The following SNTG1 variants were observed in gnomAD, a reference collection of about 807,000 sequenced individuals.
SNTG1 encodes the protein syntrophin gamma 1.
In SNTG1, 39 loss-of-function variants were observed where a neutral mutation model predicts 74.7. That is an observed-to-expected ratio of 0.52 (90% confidence interval 0.40 to 0.68). The LOEUF (loss-of-function observed/expected upper bound fraction) is 0.68, where lower values mean the gene tolerates loss of function less well. Among genes scored for constraint, SNTG1 ranks in the 30% least tolerant of loss-of-function variants. The probability of loss-of-function intolerance (pLI) is 0.00; values close to 1 mark genes in which losing one functional copy is unlikely to be tolerated. For missense variants in SNTG1, 685 were observed against 609.5 expected (o/e 1.12, Z -1.30); for synonymous variants, 254 against 217.1 (o/e 1.17, Z -1.49).
At chr8:49,941,165 G>A (rs1416546330) in intron 1 of SNTG1, among the ~76,000 whole-genome samples, 1 of 150,618 alleles carries the variant, frequency 6.6e-6, no homozygotes, top group Middle Eastern at 3.2e-3. Flanking sequence ...TTTCACAAAG[G>A]GGGGTTTCCC....
rs186074370 is a variant in SNTG1, at chr8:49,989,843, G to C, written c.-103+77612G>C. Among the ~76,000 whole-genome samples, 220 of 151,982 alleles carry C rather than the reference G, an allele frequency of 1.4e-3. 1 individual carries two copies. In the Middle Eastern group the frequency reaches 0.02, roughly 14 times the overall value. ...ATTGATACAGTAATAAAGAAAATCT[G>C]TGTAATTATAGTAATATGGAAGTAA... On this transcript the variant is annotated intron_variant, in intron 1 of 18. Transcript: ENST00000642720.
chr8:50,196,824 A>C (rs947420478), intron 2 of SNTG1, among the ~76,000 whole-genome samples: 39 of 151,552 alleles, frequency 2.6e-4, no homozygotes, highest in Non-Finnish European at 4.4e-4. Context: ...AACAAAAAAA[A>C]CCCAAAACCT....
chr8:50,592,771 T>C (rs2130884633), intron 13 of SNTG1, among the ~76,000 whole-genome samples: 1 of 152,308 alleles, frequency 6.6e-6, no homozygotes, highest in Non-Finnish European at 1.5e-5. Flanking sequence ...TTATTTCAAT[T>C]ATCTTGGCAG....
intron 1 of SNTG1, among the ~76,000 whole-genome samples, chr8:49,948,325 C>A (rs1809393481): frequency 6.6e-6 from 1 of 152,070 alleles, no homozygotes; most frequent in African/African-American, 2.4e-5. Flanking sequence ...TCTTATTATT[C>A]ATTAATTATC....
At chr8:50,627,406 G>A (rs62516797) in intron 13 of SNTG1, among the ~76,000 whole-genome samples, 20,435 of 152,214 alleles carry the variant, frequency 0.13, 1,802 homozygotes, top group Non-Finnish European at 0.2. Context: ...TGAGGACAGA[G>A]TGTTCCTTTT....
intron 8 of SNTG1, among the ~76,000 whole-genome samples, chr8:50,495,356 A>T (rs2093894374): frequency 6.6e-6 from 1 of 151,522 alleles, no homozygotes. Context: ...CGATAATCTG[A>T]CTCCCCATCC....
At chr8:50,522,710 C>T (rs369001752) in intron 9 of SNTG1, among the ~76,000 whole-genome samples, 2 of 152,012 alleles carry the variant, frequency 1.3e-5, no homozygotes, top group South Asian at 2.1e-4. Flanking sequence ...TCCCAAGTAG[C>T]TGGGAATACA....
chr8:50,534,568 G>A (rs972614222), intron 10 of SNTG1, among the ~76,000 whole-genome samples: 3 of 152,158 alleles, frequency 2.0e-5, no homozygotes, highest in Admixed American at 6.5e-5. Context: ...ATCACCTGAG[G>A]TCAAGAGTTC....
intron 1 of SNTG1, among the ~76,000 whole-genome samples, chr8:50,147,912 G>T (rs1487826201): frequency 6.6e-6 from 1 of 152,132 alleles, no homozygotes; most frequent in Non-Finnish European, 1.5e-5. Context: ...AAAAATGGCT[G>T]ATTCTCTACT....
chr8:50,393,542 C>T (rs1047262727), intron 2 of SNTG1, among the ~76,000 whole-genome samples: 9 of 152,022 alleles, frequency 5.9e-5, no homozygotes, highest in Admixed American at 3.3e-4. Context: ...AGGTGTATCA[C>T]GTAATGAAAA....
chr8:50,050,008 A>C (rs532778276), intron 1 of SNTG1, among the ~76,000 whole-genome samples: 1 of 152,112 alleles, frequency 6.6e-6, no homozygotes, highest in South Asian at 2.1e-4. Context: ...TATAAAATAA[A>C]TATTGAAATC....
intron 2 of SNTG1, among the ~76,000 whole-genome samples, chr8:50,291,678 A>G (rs2089118717): frequency 6.6e-6 from 1 of 152,188 alleles, no homozygotes. Flanking sequence ...CTGTCTTTAA[A>G]AAATTACTCT....
rs189253056 is a variant in SNTG1 at position 50,020,761 on chromosome 8, A to G, written c.-103+108530A>G. On this transcript the variant is annotated intron_variant, in intron 1 of 18. Transcript: ENST00000642720. ...TAGGGAGGAGAGTGAAAATGCTTTT[A>G]TTCTCAGGTTATAAATGGACGATCC... 1.1e-3 allele frequency among the ~76,000 whole-genome samples: 167 copies of G among 152,248 alleles called. 5 individuals carry two copies. The highest frequency in any genetic ancestry group is 4.0e-3 in the African/African-American group (165 of 41,548).
intron 1 of SNTG1, among the ~76,000 whole-genome samples, chr8:49,927,088 TA>T (rs1416948226): frequency 1.8e-4 from 28 of 152,078 alleles, no homozygotes; most frequent in Non-Finnish European, 4.4e-5. Flanking sequence ...GGCCAAAATC[TA>T]AAACACTGAC....
intron 2 of SNTG1, among the ~76,000 whole-genome samples, chr8:50,311,801 C>T (rs1470680): frequency 0.16 from 24,110 of 152,110 alleles, 2,319 homozygotes; most frequent in Middle Eastern, 0.28. Context: ...TGGAAATACA[C>T]TTTGTATAGT....
At chr8:50,267,007 C>G (rs889291969) in intron 2 of SNTG1, among the ~76,000 whole-genome samples, 1 of 150,664 alleles carries the variant, frequency 6.6e-6, no homozygotes, top group Admixed American at 6.6e-5. Flanking sequence ...CTTTTTTTTT[C>G]ATAGTTACTA....
At chr8:50,286,081 A>G (rs941754257) in intron 2 of SNTG1, among the ~76,000 whole-genome samples, 2 of 151,848 alleles carry the variant, frequency 1.3e-5, no homozygotes, top group Non-Finnish European at 2.9e-5. Context: ...TTTTCTCACT[A>G]TATGTATAAC....
At chr8:49,915,717 T>C (rs1805969657) in intron 1 of SNTG1, among the ~76,000 whole-genome samples, 1 of 152,192 alleles carries the variant, frequency 6.6e-6, no homozygotes, top group South Asian at 2.1e-4. Flanking sequence ...TACGATGAAA[T>C]ACACTTCAAA....
At chr8:50,208,880 C>T (rs2084374498) in intron 2 of SNTG1, among the ~76,000 whole-genome samples, 1 of 152,194 alleles carries the variant, frequency 6.6e-6, no homozygotes, top group African/African-American at 2.4e-5. Context: ...GTACCAGGTT[C>T]ATCTCACTGG....
Sources: gnomAD v4.1 joint callset for allele counts (sites outside exome capture counted in the v4.1 genomes callset) on GRCh38, gnomAD v4.1.1 for gene constraint, MANE v1.5 for transcripts, NCBI Gene and HGNC (gene_info 2026-07-23, HGNC 2026-07-21) for gene names.